NHS: variants seen among roughly 807,000 people sequenced by gnomAD.
The protein encoded by NHS is NHS actin remodeling regulator.
Under a neutral mutation model 72.5 loss-of-function variants are expected in NHS, and 5 were observed. The ratio of observed to expected loss-of-function variants is 0.07; its 90% CI spans 0.04 to 0.14. NHS has a LOEUF of 0.14. NHS is among the 10% of genes least tolerant of loss of function. The probability of loss-of-function intolerance (pLI) is 1.00; values close to 1 mark genes in which losing one functional copy is unlikely to be tolerated. For synonymous variants in NHS, 464 were observed against 547.7 expected (o/e 0.85, Z 2.13); for missense variants, 1,072 against 1,355.7 (o/e 0.79, Z 3.29).
At chrX:17,559,325 A>G (rs2065400121) in intron 1 of NHS, among the ~76,000 whole-genome samples, 1 of 111,804 alleles carries the variant, frequency 8.9e-6, no homozygotes, top group Admixed American at 9.5e-5. Flanking sequence ...ACTGCTACAT[A>G]CTGGCCTTTG....
At chrX:17,616,320 T>C (rs1409353425) in intron 1 of NHS, among the ~76,000 whole-genome samples, 1 of 112,640 alleles carries the variant, frequency 8.9e-6, no homozygotes, top group Non-Finnish European at 1.9e-5. Flanking sequence ...TGGGTCTGTA[T>C]GTATGCGCAT....
intron 1 of NHS, among the ~76,000 whole-genome samples, chrX:17,620,694 A>T (rs1161321123): frequency 8.9e-6 from 1 of 111,828 alleles, no homozygotes; most frequent in Non-Finnish European, 1.9e-5. Flanking sequence ...TATTTCCCTG[A>T]CACAGAAGTT....
At chrX:17,674,263 C>T (rs754446355) in intron 1 of NHS, among the ~76,000 whole-genome samples, 10 of 111,662 alleles carry the variant, frequency 9.0e-5, no homozygotes, top group Admixed American at 1.9e-4. Flanking sequence ...TAACTTTGCT[C>T]TCTCTTCTCC....
intron 1 of NHS, among the ~76,000 whole-genome samples, chrX:17,434,934 G>C (rs1009636231): frequency 5.4e-5 from 6 of 111,981 alleles, no homozygotes; most frequent in Non-Finnish European, 7.5e-5. Context: ...TGTTATGGAA[G>C]CTCATAGCTG....
At chrX:17,535,930 C>T (rs1047174206) in intron 1 of NHS, among the ~76,000 whole-genome samples, 2 of 111,415 alleles carry the variant, frequency 1.8e-5, no homozygotes, top group African/African-American at 6.5e-5. Context: ...CACTGACTTG[C>T]CTCCTTCCTG....
At chrX:17,614,888 A>G (rs1339451272) in intron 1 of NHS, among the ~76,000 whole-genome samples, 4 of 108,275 alleles carry the variant, frequency 3.7e-5, no homozygotes, top group Admixed American at 2.0e-4. Context: ...TTCAGACATC[A>G]TATCATGTCA....
At chrX:17,609,929 C>T (rs755341766) in intron 1 of NHS, among the ~76,000 whole-genome samples, 31 of 111,401 alleles carry the variant, frequency 2.8e-4, no homozygotes, top group Non-Finnish European at 5.3e-4. Flanking sequence ...AACTAAGATG[C>T]GGCAGCCTTG....
chrX:17,674,094 T>C, intron 1 of NHS, among the ~76,000 whole-genome samples: 1 of 112,140 alleles, frequency 8.9e-6, no homozygotes. Context: ...AGGTGACATG[T>C]TTCCTTTCCC....
In NHS at chrX:17,732,588, T is replaced by C; in HGVS notation, c.*124T>C. The C allele has an allele frequency of 9.8e-7, 1 of 1,021,518 alleles. No homozygotes were observed. The allele number at this position is 1,021,518 out of a possible 1,213,427, so 84.2% of individuals were successfully genotyped here. A position where few individuals can be genotyped will look rare whatever the true frequency, so the allele number is the denominator to read the frequency against. ...GGTAGCATCACTGCTAAGCAATGAA[T>C]GAATTTCTAAATACAGTATGTGCTG... On this transcript the variant is annotated 3_prime_UTR_variant, in exon 9 of 9. Transcript: ENST00000676302.
At chrX:17,707,752 ACCAAGAGT>A (rs2066304605) in intron 3 of NHS, among the ~76,000 whole-genome samples, 1 of 85,562 alleles carries the variant, frequency 1.2e-5, no homozygotes, top group African/African-American at 1.3e-4. Flanking sequence ...ATAGTACTTG[ACCAAGAGT>A]ACAAGAGTAC....
chrX:17,407,884 A>G (rs778366014), intron 1 of NHS, among the ~76,000 whole-genome samples: 107 of 111,792 alleles, frequency 9.6e-4, no homozygotes, highest in Non-Finnish European at 1.7e-3. Flanking sequence ...ATGGGGCAAC[A>G]TTCTGAAGAA....
chrX:17,434,788 T>C (rs2146878451), intron 1 of NHS, among the ~76,000 whole-genome samples: 1 of 111,603 alleles, frequency 9.0e-6, no homozygotes, highest in East Asian at 2.8e-4. Flanking sequence ...AGGCATTAGG[T>C]TGGGTGTGAG....
intron 1 of NHS, among the ~76,000 whole-genome samples, chrX:17,400,637 A>T (rs926507980): frequency 1.8e-5 from 2 of 111,703 alleles, no homozygotes; most frequent in African/African-American, 3.2e-5. Flanking sequence ...TCTATTTACA[A>T]TAGCATCAAA....
rs112481968 is a variant in NHS at position 17,437,294 on chromosome X, T to C, written c.565+60972T>C. Among the ~76,000 whole-genome samples the C allele has an allele frequency of 1.8e-3, 207 of 112,097 alleles. 3 individuals are homozygous for C. The highest frequency in any genetic ancestry group is 6.1e-3 in the African/African-American group (188 of 30,821). The stretch of plus-strand genomic sequence containing the variant: ...TTTAGGATGACCTGACAGACACACA[T>C]GCACACACACATTGTAGTCCAAAAG... On this transcript the variant is annotated intron_variant, in intron 1 of 8. Coordinates refer to ENST00000676302, the MANE Select transcript of NHS (RefSeq NM_001291867.2).
At chrX:17,632,967 ATGTT>A (rs2065827465) in intron 1 of NHS, among the ~76,000 whole-genome samples, 1 of 112,242 alleles carries the variant, frequency 8.9e-6, no homozygotes, top group African/African-American at 3.2e-5. Flanking sequence ...GGCTTATTAA[ATGTT>A]TGTTGAGTGG....
intron 3 of NHS, among the ~76,000 whole-genome samples, chrX:17,706,504 C>G (rs1342440332): frequency 1.8e-5 from 2 of 110,398 alleles, no homozygotes; most frequent in Admixed American, 1.9e-4. Flanking sequence ...CACACACACA[C>G]ACACACACAC....
intron 1 of NHS, among the ~76,000 whole-genome samples, chrX:17,441,393 T>G (rs2064753154): frequency 8.9e-6 from 1 of 112,307 alleles, no homozygotes; most frequent in Non-Finnish European, 1.9e-5. Context: ...CTAAGCACCT[T>G]ACACGATTCT....
chrX:17,628,765 G>T (rs1348614655), intron 1 of NHS, among the ~76,000 whole-genome samples: 1 of 113,236 alleles, frequency 8.8e-6, no homozygotes, highest in African/African-American at 3.2e-5. Context: ...CCTTGGGCAA[G>T]TTGTTTAACC....
intron 1 of NHS, among the ~76,000 whole-genome samples, chrX:17,616,487 G>GA (rs1433349447): frequency 1.8e-5 from 2 of 112,581 alleles, no homozygotes; most frequent in African/African-American, 6.4e-5. Flanking sequence ...AGAAGCAGGT[G>GA]ATGTTAGTTT....
Sources: allele counts gnomAD v4.1 joint callset (sites outside exome capture counted in the v4.1 genomes callset), GRCh38; gene constraint gnomAD v4.1.1; transcripts MANE v1.5; gene names NCBI Gene and HGNC (gene_info 2026-07-23, HGNC 2026-07-21).